PCDHA7: variants seen among roughly 807,000 people sequenced by gnomAD.
PCDHA7 encodes protocadherin alpha-7.
PCDHA7 carries 37 observed loss-of-function variants against 57.2 expected under a neutral mutation model. The ratio of observed to expected loss-of-function variants is 0.65; its 90% CI spans 0.50 to 0.85. PCDHA7 has a LOEUF of 0.85. Among genes scored for constraint, PCDHA7 ranks in the 40% least tolerant of loss-of-function variants. PCDHA7 has a pLI of 0.00. For synonymous variants in PCDHA7, 553 were observed against 558.8 expected (o/e 0.99, Z 0.15); for missense variants, 1,188 against 1,241.8 (o/e 0.96, Z 0.65).
At chr5:140,943,380 T>A (rs2093488086) in intron 1 of PCDHA7, among the ~76,000 whole-genome samples, 3 of 151,328 alleles carry the variant, frequency 2.0e-5, no homozygotes, top group Admixed American at 2.0e-4. Context: ...AATATACAGG[T>A]AAGAAATTAT....
At chr5:140,902,647 G>T (rs1286700570) in intron 1 of PCDHA7, among the ~76,000 whole-genome samples, 3 of 150,932 alleles carry the variant, frequency 2.0e-5, no homozygotes, top group African/African-American at 7.3e-5. Context: ...CTGAGATTTT[G>T]GTGCACCTGT....
intron 1 of PCDHA7, among the ~76,000 whole-genome samples, chr5:140,920,557 G>A (rs1554199669): frequency 6.6e-6 from 1 of 152,158 alleles, no homozygotes; most frequent in African/African-American, 2.4e-5. Flanking sequence ...TCGAAGTGTG[G>A]CCCTTAGGCC....
At chr5:140,920,388 T>C (rs1237249131) in intron 1 of PCDHA7, among the ~76,000 whole-genome samples, 1 of 152,214 alleles carries the variant, frequency 6.6e-6, no homozygotes, top group Non-Finnish European at 1.5e-5. Context: ...CATATTACCA[T>C]CTGGTGTCTT....
chr5:140,848,691 T>A (rs1554142358), intron 1 of PCDHA7: 1 of 1,591,900 alleles, frequency 6.3e-7, no homozygotes, highest in Non-Finnish European at 8.6e-7. Flanking sequence ...CCTGTTCCAG[T>A]TGGATTCCAA....
chr5:140,900,502 C>T (rs1242310833), intron 1 of PCDHA7, among the ~76,000 whole-genome samples: 3 of 152,184 alleles, frequency 2.0e-5, no homozygotes, highest in Non-Finnish European at 4.4e-5. Context: ...GTCTCAAATT[C>T]CCAGCCTCAG....
intron 1 of PCDHA7, chr5:140,968,106 C>A: frequency 6.2e-7 from 1 of 1,614,134 alleles, no homozygotes; most frequent in Non-Finnish European, 8.5e-7. Flanking sequence ...GGGGGAATAC[C>A]GCAGCTCACA....
Position 140,932,248 on chromosome 5 carries a change from T to C in PCDHA7, c.2356-46701T>C, listed in dbSNP as rs1424091954. Among the ~76,000 whole-genome samples the C allele has an allele frequency of 2.6e-5, 4 of 152,016 alleles. No individual in the cohort carries two copies. In the East Asian group the frequency reaches 7.7e-4, roughly 29 times the overall value. On this transcript the variant is annotated intron_variant, in intron 1 of 3. Coordinates refer to ENST00000525929, the MANE Select transcript of PCDHA7 (RefSeq NM_018910.3). ...TTTTTTAGAATGGTATCTAAGAGGG[T>C]ACCTCTGAGATATAAATTTCTACTT... is the stretch of plus-strand genomic sequence containing the variant.
chr5:140,875,260 C>T (rs2153321792), intron 1 of PCDHA7: 1 of 1,109,124 alleles, frequency 9.0e-7, no homozygotes, highest in Non-Finnish European at 1.2e-6. Context: ...CACATGATGT[C>T]GCTCTACACT....
rs201991205 is a variant in PCDHA7 at position 140,982,521 on chromosome 5, G to C, written c.2461G>C (p.Gly821Arg). ...TGGCATTCTACGGGCTGGTCCAGGAGGGCCTGATCAGCAGTGGCCAACAGT... is the reference window on the plus strand; with the variant it reads ...TGGCATTCTACGGGCTGGTCCAGGACGGCCTGATCAGCAGTGGCCAACAGT... ...EAGILRAGPG[G>R]PDQQWPTVSS... Residue 821 changes from glycine to arginine, a missense_variant, in exon 3 of 4, where the codon GGG becomes CGG. Gly to Arg is a moderately radical substitution (Grantham distance 125). Around this residue, in one of 3 missense-constraint regions of PCDHA7, gnomAD observed 892 missense variants for 788.5 expected, o/e 1.13. Coordinates refer to ENST00000525929, the MANE Select transcript of PCDHA7 (RefSeq NM_018910.3). The C allele has an allele frequency of 9.3e-6, 15 of 1,614,216 alleles. No individual in the cohort carries two copies. In the Admixed American group the frequency reaches 2.3e-4, roughly 25 times the overall value.
At chr5:140,902,301 G>A (rs943083254) in intron 1 of PCDHA7, among the ~76,000 whole-genome samples, 1 of 149,570 alleles carries the variant, frequency 6.7e-6, no homozygotes, top group African/African-American at 2.5e-5. Context: ...GCCTCCCAAA[G>A]TGCTGGGATT....
chr5:140,906,296 A>G (rs1378311950), intron 1 of PCDHA7, among the ~76,000 whole-genome samples: 9 of 152,226 alleles, frequency 5.9e-5, no homozygotes, highest in Non-Finnish European at 1.5e-5. Flanking sequence ...GACAATAATA[A>G]GGTCATAATT....
intron 1 of PCDHA7, among the ~76,000 whole-genome samples, chr5:140,975,197 C>T (rs1176492853): frequency 6.6e-6 from 1 of 152,230 alleles, no homozygotes; most frequent in Non-Finnish European, 1.5e-5. Flanking sequence ...TCTGCTCCAT[C>T]TTCATGGCTG....
At chr5:140,985,740 T>TG (rs1554247304) in intron 3 of PCDHA7, among the ~76,000 whole-genome samples, 2 of 53,688 alleles carry the variant, frequency 3.7e-5, no homozygotes, top group Admixed American at 1.9e-4. Flanking sequence ...GATGAATTCC[T>TG]TTTTTTTTTT....
At chr5:140,967,272 T>C in intron 1 of PCDHA7, 2 of 1,613,412 alleles carry the variant, frequency 1.2e-6, no homozygotes, top group Non-Finnish European at 1.7e-6. Flanking sequence ...CGCTTTCACA[T>C]AGAGAGTGCG....
chr5:140,884,441 GCACCGCCCACCGAGGGC>G (rs782266354), intron 1 of PCDHA7: 1 of 1,613,812 alleles, frequency 6.2e-7, no homozygotes, highest in Non-Finnish European at 8.5e-7. Flanking sequence ...GCGGTGCTCG[GCACCGCCCACCGAGGGC>G]GCGTGCGCGC....
intron 1 of PCDHA7, chr5:140,869,243 G>T (rs1554162716): frequency 1.9e-6 from 3 of 1,613,544 alleles, no homozygotes; most frequent in Non-Finnish European, 2.5e-6. Context: ...TTCGTGGGCC[G>T]CATCGCGCAG....
chr5:140,848,861 G>C, intron 1 of PCDHA7: 1 of 1,590,758 alleles, frequency 6.3e-7, no homozygotes, highest in Non-Finnish European at 8.6e-7. Flanking sequence ...TGGACGTGGA[G>C]GTGAAGGACA....
chr5:140,963,895 T>C (rs1331133094), intron 1 of PCDHA7, among the ~76,000 whole-genome samples: 2 of 152,224 alleles, frequency 1.3e-5, no homozygotes, highest in Non-Finnish European at 2.9e-5. Flanking sequence ...TTAATTAAAA[T>C]GAGTAAAGTG....
At chr5:140,895,367 CT>C (rs35382025) in intron 1 of PCDHA7, among the ~76,000 whole-genome samples, 1 of 152,014 alleles carries the variant, frequency 6.6e-6, no homozygotes, top group Non-Finnish European at 1.5e-5. Context: ...CTTATTGGCA[CT>C]TTTTGGAGTT....
Sources: allele counts gnomAD v4.1 joint callset (sites outside exome capture counted in the v4.1 genomes callset), GRCh38; gene constraint gnomAD v4.1.1; regional missense constraint gnomAD v4.1.1; transcripts MANE v1.5; gene names NCBI Gene and HGNC (gene_info 2026-07-23, HGNC 2026-07-21).